Variants in PIK3CA observed in about 807,000 individuals in gnomAD.
PIK3CA encodes phosphatidylinositol 4,5-bisphosphate 3-kinase catalytic subunit alpha isoform.
PIK3CA carries 27 observed loss-of-function variants against 138.2 expected under a neutral mutation model. The ratio of observed to expected loss-of-function variants is 0.20; its 90% CI spans 0.14 to 0.27. The LOEUF (loss-of-function observed/expected upper bound fraction) is 0.27. PIK3CA is among the 10% of genes least tolerant of loss of function. The probability of loss-of-function intolerance (pLI) is 1.00; values close to 1 mark genes in which losing one functional copy is unlikely to be tolerated. For synonymous variants in PIK3CA, 358 were observed against 413.2 expected, an observed-to-expected ratio of 0.87 and a Z score of 1.62; for missense variants, 544 against 1,277.4, an observed-to-expected ratio of 0.43 and a Z score of 8.75.
At chr3:179,222,786 A>G (rs1400162303) in intron 14 of PIK3CA, among the ~76,000 whole-genome samples, 3 of 152,234 alleles carry the variant, frequency 2.0e-5, no homozygotes, top group African/African-American at 7.2e-5. Flanking sequence ...TTTCTACTGA[A>G]TGCATGTAGG....
At chr3:179,178,080 CAAAAAA>C (rs770394983) in intron 1 of PIK3CA, among the ~76,000 whole-genome samples, 2 of 59,540 alleles carry the variant, frequency 3.4e-5, no homozygotes, top group African/African-American at 5.9e-5. Context: ...TCTGTCTTTA[CAAAAAA>C]AAAAAAAAAA....
rs779654979 is a variant in PIK3CA, at chr3:179,219,392, T to C, written c.1746+115T>C. On this transcript the variant is annotated intron_variant, in intron 11 of 20. Coordinates refer to ENST00000263967, the MANE Select transcript of PIK3CA (RefSeq NM_006218.4). The surrounding 1 kb of genome is among the most constrained non-coding windows in gnomAD (Gnocchi z 4.2). The stretch of plus-strand genomic sequence containing the variant: ...ATGAAATAGACTAATAGTAATATAG[T>C]GTAGAAAAAAACACCCTTAACATTA... The C allele has an allele frequency of 1.1e-5, 8 of 745,382 alleles. No individual in the cohort carries two copies. The highest frequency in any genetic ancestry group is 1.8e-5 in the African/African-American group (1 of 56,334). The allele number at this position is 745,382 out of a possible 1,614,324, so 46.2% of individuals were successfully genotyped here.
intron 1 of PIK3CA, among the ~76,000 whole-genome samples, chr3:179,184,152 C>G (rs1008508128): frequency 6.6e-6 from 1 of 152,200 alleles, no homozygotes; most frequent in Non-Finnish European, 1.5e-5. Flanking sequence ...ATTTGATTCA[C>G]TTACCAGCAG....
chr3:179,195,035 G>A (rs7614418), intron 1 of PIK3CA, among the ~76,000 whole-genome samples: 35,364 of 148,702 alleles, frequency 0.24, 4,995 homozygotes, highest in African/African-American at 0.39. Flanking sequence ...AAAAAACACA[G>A]GGTAGAGACA....
intron 1 of PIK3CA, among the ~76,000 whole-genome samples, chr3:179,192,355 A>G (rs1428126729): frequency 6.6e-6 from 1 of 152,254 alleles, no homozygotes; most frequent in African/African-American, 2.4e-5. Context: ...ATGTTTAGGG[A>G]TAACTTCAGA....
chr3:179,195,255 T>A, intron 1 of PIK3CA, among the ~76,000 whole-genome samples: 1 of 149,000 alleles, frequency 6.7e-6, no homozygotes, highest in African/African-American at 2.5e-5. Context: ...ACTTGCCTTC[T>A]CGGTGAAAAA....
At chr3:179,151,836 T>G (rs1021483562) in intron 1 of PIK3CA, among the ~76,000 whole-genome samples, 3 of 152,202 alleles carry the variant, frequency 2.0e-5, no homozygotes, top group Non-Finnish European at 4.4e-5. Flanking sequence ...TTGAAAAGTC[T>G]AGCTTGAGTT....
chr3:179,185,248 C>T (rs973756680), intron 1 of PIK3CA, among the ~76,000 whole-genome samples: 1 of 152,184 alleles, frequency 6.6e-6, no homozygotes, highest in South Asian at 2.1e-4. Flanking sequence ...TCCCTGATGA[C>T]TTACAGAAAC....
chr3:179,221,867 C>G (rs908624051), intron 14 of PIK3CA, among the ~76,000 whole-genome samples: 2 of 151,814 alleles, frequency 1.3e-5, no homozygotes, highest in Non-Finnish European at 2.9e-5. Flanking sequence ...GCCACCACTT[C>G]CAGCTAATTT....
At position 179,230,657 on chromosome 3, in the gene PIK3CA, G is replaced by C. The variant is rs894112533; in HGVS notation, c.2936+281G>C. 6.6e-6 allele frequency among the ~76,000 whole-genome samples: 1 copy of C among 152,136 alleles called. No individual in the cohort carries two copies. Among genetic ancestry groups the C allele is most frequent in the Non-Finnish European group, 1.5e-5 (1 of 68,024 alleles). ...TAGTCCCAGCTACTCAGGAGGCTGA[G>C]ATGGGAGGATCACTTGAGCCCAGGA... On this transcript the variant is annotated intron_variant, in intron 20 of 20. Transcript: ENST00000263967. The surrounding 1 kb of genome is among the most constrained non-coding windows in gnomAD (Gnocchi z 5.4).
intron 1 of PIK3CA, among the ~76,000 whole-genome samples, chr3:179,175,385 C>A (rs1723670939): frequency 1.3e-5 from 2 of 152,016 alleles, no homozygotes; most frequent in Admixed American, 6.6e-5. Context: ...TTTATTTATT[C>A]TTTTTTCTCT....
chr3:179,172,899 C>T (rs953055293), intron 1 of PIK3CA, among the ~76,000 whole-genome samples: 2 of 152,188 alleles, frequency 1.3e-5, no homozygotes, highest in African/African-American at 4.8e-5. Context: ...CTTACAAGTA[C>T]CTGATTTGTA....
chr3:179,209,929 G>A (rs1724665198), intron 7 of PIK3CA, among the ~76,000 whole-genome samples: 1 of 152,102 alleles, frequency 6.6e-6, no homozygotes, highest in African/African-American at 2.4e-5. Context: ...AAAATGCAAA[G>A]TGACTATATA....
chr3:179,215,249 A>G (rs1453916016), intron 9 of PIK3CA, among the ~76,000 whole-genome samples: 2 of 152,230 alleles, frequency 1.3e-5, no homozygotes, highest in African/African-American at 2.4e-5. Context: ...TTTAAAAGAT[A>G]CGAGTCTCTT....
chr3:179,163,153 G>A (rs1176071459), intron 1 of PIK3CA, among the ~76,000 whole-genome samples: 2 of 152,108 alleles, frequency 1.3e-5, no homozygotes, highest in South Asian at 2.1e-4. Flanking sequence ...TTGTTTTTGA[G>A]AGTATTAAAT....
chr3:179,218,360 G>T, intron 10 of PIK3CA, 26 bp downstream of exon 10: 1 of 1,577,798 alleles, frequency 6.3e-7, no homozygotes, highest in Non-Finnish European at 8.6e-7. Flanking sequence ...GAGATTCTCT[G>T]TTTCTTTTTC....
Position 179,235,057 on chromosome 3 carries a change from T to C in PIK3CA, c.*693T>C, listed in dbSNP as rs759686959. The C allele has an allele frequency of 1.2e-4, 24 of 198,730 alleles. No homozygotes were observed. Among genetic ancestry groups the C allele is most frequent in the Admixed American group, 8.5e-4 (14 of 16,468 alleles). The allele number at this position is 198,730 out of a possible 1,614,324, so 12.3% of individuals were successfully genotyped here. On this transcript the variant is annotated 3_prime_UTR_variant, in exon 21 of 21. Coordinates refer to ENST00000263967, the MANE Select transcript of PIK3CA (RefSeq NM_006218.4). ...TGTTATAAGGTGGTATTTTTTTTTT[T>C]CTTCTGGACAGTATTTAAAGGATCT... is the stretch of plus-strand genomic sequence containing the variant.
rs1298263303 is a variant in PIK3CA, at chr3:179,176,138, T to C, written c.-76-22612T>C. On this transcript the variant is annotated intron_variant, in intron 1 of 20. Transcript: ENST00000263967. Reference sequence around the variant, plus strand: ...AAAGGGACTTTGGGTCTCTTTAGAGTTGCACATAATCTTCTGGTTTTAGTC... The same window carrying C: ...AAAGGGACTTTGGGTCTCTTTAGAGCTGCACATAATCTTCTGGTTTTAGTC... 2.0e-5 allele frequency among the ~76,000 whole-genome samples: 3 copies of C among 152,318 alleles called. No individual in the cohort carries two copies. In the East Asian group the frequency reaches 5.8e-4, roughly 29 times the overall value.
Position 179,148,387 on chromosome 3 carries a change from G to T in PIK3CA, c.-293G>T, listed in dbSNP as rs1722908340. The T allele has an allele frequency of 6.6e-6, 1 of 151,470 alleles. No homozygotes were observed. 9.4% of individuals were successfully genotyped at this position (151,470 alleles called of 1,614,324 possible). ...CGGTGCCGCCGCTGCGGCCGCTGAGGTGTCGGGCTGCTGCTGCCGCGGCCG... is the reference window on the plus strand; with the variant it reads ...CGGTGCCGCCGCTGCGGCCGCTGAGTTGTCGGGCTGCTGCTGCCGCGGCCG... On this transcript the variant is annotated 5_prime_UTR_variant, in exon 1 of 21. Coordinates refer to ENST00000263967, the MANE Select transcript of PIK3CA (RefSeq NM_006218.4).
Sources: allele counts gnomAD v4.1 joint callset (sites outside exome capture counted in the v4.1 genomes callset), GRCh38; gene constraint gnomAD v4.1.1; non-coding constraint Gnocchi (gnomAD v3.1); transcripts MANE v1.5; gene names NCBI Gene and HGNC (gene_info 2026-07-23, HGNC 2026-07-21).